F8: variants seen among roughly 807,000 people sequenced by gnomAD.
F8 encodes the protein coagulation factor VIII.
A neutral mutation model predicts 140.6 loss-of-function variants in F8; 12 were observed. The observed-to-expected ratio is 0.09, with a 90% CI of 0.05 to 0.14. F8 has a LOEUF of 0.14. Ranked by LOEUF, F8 falls within the 10% of genes least tolerant of loss-of-function variation. The pLI is 1.00. For synonymous variants in F8, 585 were observed against 614.6 expected (o/e 0.95, Z 0.71); for missense variants, 1,354 against 1,720.7 (o/e 0.79, Z 3.77).
At chrX:154,878,428 CAAA>C (rs57418004) in intron 22 of F8, among the ~76,000 whole-genome samples, 2,063 of 26,784 alleles carry the variant, frequency 0.077, 103 homozygotes, top group African/African-American at 0.26. Flanking sequence ...TTTTCATGAC[CAAA>C]AAAAAAAAAA....
chrX:154,857,692 A>T (rs782163117), intron 25 of F8, among the ~76,000 whole-genome samples: 1 of 112,622 alleles, frequency 8.9e-6, no homozygotes, highest in Admixed American at 9.4e-5. Context: ...AGGGACTTGG[A>T]AGGAACATGA....
chrX:154,836,641 T>C lies in F8; in HGVS notation c.*956A>G, dbSNP rs1421191964. ...CATTATTAGAATTACAAAGTTTGTATCTCCTATCTCAGATAACCATGGATT... is the reference window on the plus strand; with the variant it reads ...CATTATTAGAATTACAAAGTTTGTACCTCCTATCTCAGATAACCATGGATT... On this transcript the variant is annotated 3_prime_UTR_variant, in exon 26 of 26. Coordinates refer to ENST00000360256, the MANE Select transcript of F8 (RefSeq NM_000132.4). 8.9e-6 allele frequency: 1 copy of C among 111,963 alleles called. No individual in the cohort carries two copies. Among genetic ancestry groups the C allele is most frequent in the African/African-American group, 3.3e-5 (1 of 30,759 alleles). The allele number at this position is 111,963 out of a possible 1,213,427, so 9.2% of individuals were successfully genotyped here.
chrX:154,946,192 C>CCAGTGAAG (rs1406079992), intron 13 of F8, among the ~76,000 whole-genome samples: 3 of 111,730 alleles, frequency 2.7e-5, no homozygotes, highest in African/African-American at 9.8e-5. Context: ...TATCCAAATG[C>CCAGTGAAG]CAGTGAAGTT....
rs1557278796 is a variant in F8, at chrX:154,931,181, G to A, written c.2609C>T (p.Pro870Leu). Residue 870 changes from proline to leucine, a missense_variant, in exon 14 of 26, where the codon CCT becomes CTT. Physicochemically the swap from Pro to Leu is moderately conservative, Grantham distance 98. Transcript: ENST00000360256. The part of the protein sequence containing the change: ...LHHSGDMVFT[P>L]ESGLQLRLNE... ...TAATCTTAATTGGAGGCCTGACTCA[G>A]GGGTAAATACCATGTCCCCACTGTG... 2.5e-6 allele frequency: 3 copies of A among 1,209,354 alleles called. No homozygotes were observed. The highest frequency in any genetic ancestry group is 1.8e-5 in the African/African-American group (1 of 57,141).
chrX:154,872,351 A>G (rs1055090906), intron 22 of F8, among the ~76,000 whole-genome samples: 2 of 112,086 alleles, frequency 1.8e-5, no homozygotes, highest in East Asian at 5.6e-4. Context: ...CATATACACC[A>G]TGGAATACTA....
At chrX:154,993,365 C>G (rs1244678941) in intron 3 of F8, among the ~76,000 whole-genome samples, 1 of 111,814 alleles carries the variant, frequency 8.9e-6, no homozygotes, top group Non-Finnish European at 1.9e-5. Context: ...AGTGATTTTC[C>G]TGCCTCAGAC....
At chrX:154,962,061 T>C in intron 9 of F8, among the ~76,000 whole-genome samples, 1 of 112,174 alleles carries the variant, frequency 8.9e-6, no homozygotes, top group Non-Finnish European at 1.9e-5. Context: ...GTATGTAACA[T>C]GTGTGGTTGC....
At chrX:154,898,867 T>A (rs1557275764) in intron 21 of F8, among the ~76,000 whole-genome samples, 1 of 111,575 alleles carries the variant, frequency 9.0e-6, no homozygotes, top group Non-Finnish European at 1.9e-5. Flanking sequence ...CATTCAGGGT[T>A]CATTGGCTAG....
chrX:154,927,824 C>T (rs2073168589), intron 14 of F8, among the ~76,000 whole-genome samples: 1 of 111,588 alleles, frequency 9.0e-6, no homozygotes, highest in Non-Finnish European at 1.9e-5. Context: ...TGTCTGGAAA[C>T]ATCTTCTCTC....
chrX:155,003,101 C>G (rs782042698), intron 1 of F8, among the ~76,000 whole-genome samples: 2 of 111,682 alleles, frequency 1.8e-5, no homozygotes, highest in East Asian at 5.6e-4. Flanking sequence ...ACTGAACAAG[C>G]AAGCATCAGA....
At chrX:154,924,503 T>A (rs113224419) in intron 14 of F8, among the ~76,000 whole-genome samples, 1 of 111,472 alleles carries the variant, frequency 9.0e-6, no homozygotes, top group African/African-American at 3.3e-5. Flanking sequence ...GTCCTAGAGA[T>A]TTGTGGAACT....
intron 22 of F8, among the ~76,000 whole-genome samples, chrX:154,865,692 C>T (rs1395964096): frequency 9.8e-6 from 1 of 101,747 alleles, no homozygotes; most frequent in Non-Finnish European, 2.0e-5. Flanking sequence ...GTAACCCCCC[C>T]GACCGCCCCC....
chrX:154,982,464 AATAT>A (rs782606425), intron 6 of F8, among the ~76,000 whole-genome samples: 1 of 83,391 alleles, frequency 1.2e-5, no homozygotes, highest in Non-Finnish European at 2.2e-5. Flanking sequence ...AAAAAAAAAA[AATAT>A]ATATATATAT....
At chrX:154,885,095 C>CG in intron 22 of F8, 3 of 761,649 alleles carry the variant, frequency 3.9e-6, no homozygotes, top group East Asian at 4.1e-5. Flanking sequence ...TGCTGGCGGC[C>CG]GGGGGCGGAC....
intron 6 of F8, among the ~76,000 whole-genome samples, chrX:154,980,756 G>A (rs1019762215): frequency 4.5e-5 from 5 of 110,838 alleles, no homozygotes; most frequent in African/African-American, 1.6e-4. Flanking sequence ...TCAGGAGTTC[G>A]AGACCCAGCC....
intron 13 of F8, among the ~76,000 whole-genome samples, chrX:154,943,855 A>C (rs2124075739): frequency 9.0e-6 from 1 of 111,594 alleles, no homozygotes; most frequent in East Asian, 2.8e-4. Flanking sequence ...AGCCCTCAGA[A>C]ATAACGCCAC....
chrX:154,939,448 G>T (rs1180490087), intron 13 of F8, among the ~76,000 whole-genome samples: 3 of 112,694 alleles, frequency 2.7e-5, no homozygotes, highest in Non-Finnish European at 5.6e-5. Flanking sequence ...CAAACTGCAA[G>T]GTGGCAGCAA....
chrX:154,945,503 A>C (rs1557280225), intron 13 of F8, among the ~76,000 whole-genome samples: 1 of 112,394 alleles, frequency 8.9e-6, no homozygotes, highest in African/African-American at 3.2e-5. Context: ...GGACAAAAAC[A>C]AATGATCATT....
intron 25 of F8, among the ~76,000 whole-genome samples, chrX:154,850,505 G>A (rs782226858): frequency 2.8e-4 from 29 of 103,959 alleles, no homozygotes; most frequent in African/African-American, 9.8e-4. Flanking sequence ...TTAGAGGCAG[G>A]GTCTTGTTCT....
Sources: allele counts gnomAD v4.1 joint callset (sites outside exome capture counted in the v4.1 genomes callset), GRCh38; gene constraint gnomAD v4.1.1; transcripts MANE v1.5; gene names NCBI Gene and HGNC (gene_info 2026-07-23, HGNC 2026-07-21).